The following HTATIP2 variants were observed in gnomAD, a reference collection of about 807,000 sequenced individuals.
HTATIP2 encodes protein HTATIP2.
Under a neutral mutation model 24.7 loss-of-function variants are expected in HTATIP2, and 26 were observed. The ratio of observed to expected loss-of-function variants is 1.05; its 90% CI spans 0.77 to 1.46. The LOEUF (loss-of-function observed/expected upper bound fraction) is 1.46, where lower values mean the gene tolerates loss of function less well. Ranked by LOEUF, HTATIP2 falls within the 40% of genes most tolerant of loss-of-function variation. The pLI, the probability that HTATIP2 is intolerant of heterozygous loss-of-function variation, is 0.00. For missense variants in HTATIP2, 284 were observed against 289.6 expected (o/e 0.98, Z 0.14); for synonymous variants, 99 against 113.2 (o/e 0.87, Z 0.79).
intron 1 of HTATIP2, among the ~76,000 whole-genome samples, chr11:20,365,091 C>T (rs1479705552): frequency 2.7e-5 from 4 of 150,300 alleles, no homozygotes; most frequent in African/African-American, 7.4e-5. Context: ...TCAAGCGATT[C>T]TTCTGCCTCA....
intron 3 of HTATIP2, among the ~76,000 whole-genome samples, chr11:20,381,476 T>A (rs1848520385): frequency 6.6e-6 from 1 of 151,830 alleles, no homozygotes; most frequent in Non-Finnish European, 1.5e-5. Flanking sequence ...TAATTAAAAT[T>A]AAAAAATTTT....
chr11:20,364,311 G>T lies in HTATIP2; in HGVS notation c.74G>T (p.Gly25Val). ...RMQNKSVFIL[G>V]ASGETGRVLL... is the part of the protein sequence containing the mutation. The stretch of plus-strand genomic sequence containing the variant: ...CAGAATAAATCCGTCTTTATTTTGG[G>T]CGCCAGCGGAGAAACCGGCAGAGTG... The change falls in exon 1 of 5, where the codon GGC becomes GTC. Residue 25 changes from glycine to valine, a missense_variant. Coordinates refer to ENST00000451739, the MANE Select transcript of HTATIP2 (RefSeq NM_001098522.2). 1 of 1,613,878 alleles carries T rather than the reference G, an allele frequency of 6.2e-7. No individual in the cohort carries two copies. Among genetic ancestry groups the T allele is most frequent in the Non-Finnish European group, 8.5e-7 (1 of 1,179,806 alleles).
chr11:20,365,276 A>G (rs2064686833), intron 1 of HTATIP2, among the ~76,000 whole-genome samples: 1 of 152,194 alleles, frequency 6.6e-6, no homozygotes, highest in South Asian at 2.1e-4. Flanking sequence ...GGCGTGAGCC[A>G]CCGCGCCCAG....
chr11:20,367,749 C>T (rs575557842), intron 2 of HTATIP2: 2 of 789,062 alleles, frequency 2.5e-6, no homozygotes, highest in East Asian at 1.0e-4. Flanking sequence ...CACGATTCAA[C>T]CAGCCTCCAG....
At chr11:20,378,070 T>C (rs1001569882) in intron 3 of HTATIP2, among the ~76,000 whole-genome samples, 1 of 152,158 alleles carries the variant, frequency 6.6e-6, no homozygotes, top group African/African-American at 2.4e-5. Context: ...GGATATAAGA[T>C]TGTTACTATT....
intron 3 of HTATIP2, among the ~76,000 whole-genome samples, chr11:20,379,547 A>T (rs1178992691): frequency 2.0e-5 from 3 of 152,012 alleles, no homozygotes; most frequent in African/African-American, 7.2e-5. Context: ...CATTTATTCT[A>T]CTCAATGAAG....
At chr11:20,372,942 G>C (rs756887315) in intron 2 of HTATIP2, among the ~76,000 whole-genome samples, 1 of 152,124 alleles carries the variant, frequency 6.6e-6, no homozygotes, top group Non-Finnish European at 1.5e-5. Flanking sequence ...TTTTGCTTTT[G>C]AGTTTCATTC....
At chr11:20,364,994 T>A (rs1344133670) in intron 1 of HTATIP2, among the ~76,000 whole-genome samples, 1 of 151,594 alleles carries the variant, frequency 6.6e-6, no homozygotes, top group Non-Finnish European at 1.5e-5. Flanking sequence ...TTTTTTTTTT[T>A]TTTTTCTGAG....
intron 3 of HTATIP2, among the ~76,000 whole-genome samples, chr11:20,377,093 G>C (rs1398571071): frequency 6.6e-6 from 1 of 151,318 alleles, no homozygotes; most frequent in East Asian, 1.9e-4. Context: ...AATCTATCCT[G>C]AAGCAGTATT....
rs548276280 is a variant in HTATIP2 at position 20,364,179 on chromosome 11, A to T, written c.-59A>T. Reference sequence around the variant, plus strand: ...ATAAACAGCCCTTGTTCCTCGGGATAAGGACTGGCAGTCCCCTGACACCCT... The same window carrying T: ...ATAAACAGCCCTTGTTCCTCGGGATTAGGACTGGCAGTCCCCTGACACCCT... On this transcript the variant is annotated 5_prime_UTR_variant, in exon 1 of 5. Coordinates refer to ENST00000451739, the MANE Select transcript of HTATIP2 (RefSeq NM_001098522.2). 280 of 1,525,310 alleles carry T rather than the reference A, an allele frequency of 1.8e-4. No individual in the cohort carries two copies. The highest frequency in any genetic ancestry group is 2.4e-4 in the Non-Finnish European group (268 of 1,133,710). The allele number at this position is 1,525,310 out of a possible 1,614,324, so 94.5% of individuals were successfully genotyped here. A position where few individuals can be genotyped will look rare whatever the true frequency, so the allele number is the denominator to read the frequency against.
At chr11:20,364,515 C>T in intron 1 of HTATIP2, 83 bp downstream of exon 1, 1 of 1,231,052 alleles carries the variant, frequency 8.1e-7, no homozygotes. Flanking sequence ...TGAATACTGC[C>T]CTGCCAGTGG....
At chr11:20,379,959 G>A (rs917697950) in intron 3 of HTATIP2, among the ~76,000 whole-genome samples, 1 of 152,186 alleles carries the variant, frequency 6.6e-6, no homozygotes, top group Non-Finnish European at 1.5e-5. Flanking sequence ...AAGGTGTGTC[G>A]GGTGAAGTCT....
rs2064716898 is a variant in HTATIP2 at position 20,367,063 on chromosome 11, A to G, written c.196-111A>G. On this transcript the variant is annotated intron_variant, in intron 1 of 4. Transcript: ENST00000451739. Reference sequence around the variant, plus strand: ...AAGGAATTTGTAAAATTTGATGTTAAGTGGACAGGCCTGTCAGTAATGTTC... The same window carrying G: ...AAGGAATTTGTAAAATTTGATGTTAGGTGGACAGGCCTGTCAGTAATGTTC... 7.9e-6 allele frequency: 10 copies of G among 1,273,456 alleles called. No individual in the cohort carries two copies. The South Asian group carries it at 1.4e-4, about 17-fold the overall frequency. The allele number at this position is 1,273,456 out of a possible 1,614,324, so 78.9% of individuals were successfully genotyped here.
intron 2 of HTATIP2, among the ~76,000 whole-genome samples, chr11:20,369,171 G>A (rs1326703835): frequency 2.0e-5 from 3 of 152,194 alleles, no homozygotes; most frequent in South Asian, 2.1e-4. Context: ...GCTAAGTAAC[G>A]ATAGTGTTTT....
In HTATIP2 at chr11:20,364,060, G is replaced by A. The variant is rs10437608; in HGVS notation, c.-178G>A. ...CCTTCCGATGGGTCTGCTGGCTCAG[G>A]TGCGGGCGATGGCCGGGGAGCCGCG... On this transcript the variant is annotated 5_prime_UTR_variant, in exon 1 of 5. In the 5' UTR this introduces an upstream ATG that the reference lacks. Transcript: ENST00000451739. The A allele has an allele frequency of 0.52, 706,723 of 1,355,466 alleles. 188,474 individuals are homozygous for A. Among genetic ancestry groups the A allele is most frequent in the Middle Eastern group, 0.56 (2,022 of 3,584 alleles). 84.0% of individuals were successfully genotyped at this position (1,355,466 alleles called of 1,614,324 possible). A position where few individuals can be genotyped will look rare whatever the true frequency, so the allele number is the denominator to read the frequency against.
rs1848551183 is a variant in HTATIP2, at chr11:20,383,376, A to G, written c.*171A>G. 1.3e-5 allele frequency: 8 copies of G among 600,640 alleles called. No individual in the cohort carries two copies. The East Asian group carries it at 1.9e-4, about 15-fold the overall frequency. The allele number at this position is 600,640 out of a possible 1,614,324, so 37.2% of individuals were successfully genotyped here. On this transcript the variant is annotated 3_prime_UTR_variant, in exon 5 of 5. Coordinates refer to ENST00000451739, the MANE Select transcript of HTATIP2 (RefSeq NM_001098522.2). The stretch of plus-strand genomic sequence containing the variant: ...TGCATCAGTGGTTCAGAGCCTGGTT[A>G]TACATATAGATCACTCAGGGAGCTT...
chr11:20,376,535 A>G (rs1486017474), intron 2 of HTATIP2, 45 bp from the exon 3 acceptor site: 1 of 1,611,248 alleles, frequency 6.2e-7, no homozygotes, highest in Non-Finnish European at 8.5e-7. Flanking sequence ...CTTTAAGATG[A>G]ACTTGCTGCT....
chr11:20,369,104 T>C (rs531724551), intron 2 of HTATIP2, among the ~76,000 whole-genome samples: 24 of 152,236 alleles, frequency 1.6e-4, no homozygotes, highest in Admixed American at 7.8e-4. Flanking sequence ...GTGTACAATA[T>C]AAAGTTGGGA....
At chr11:20,379,073 AAC>A (rs1433392857) in intron 3 of HTATIP2, among the ~76,000 whole-genome samples, 2 of 152,014 alleles carry the variant, frequency 1.3e-5, no homozygotes, top group African/African-American at 4.8e-5. Context: ...CAACAACAAC[AAC>A]AACAACAAAA....
Sources: allele counts gnomAD v4.1 joint callset (sites outside exome capture counted in the v4.1 genomes callset), GRCh38; gene constraint gnomAD v4.1.1; transcripts MANE v1.5; gene names NCBI Gene and HGNC (gene_info 2026-07-23, HGNC 2026-07-21).